The following MINDY4B variants were observed in gnomAD, a reference collection of about 807,000 sequenced individuals.
MINDY4B encodes the protein MINDY family member 4B.
In MINDY4B, 25 loss-of-function variants were observed where a neutral mutation model predicts 16.7. That is an observed-to-expected ratio of 1.49 (90% CI 1.09 to 2.09). The LOEUF (loss-of-function observed/expected upper bound fraction) is 2.09. Ranked by LOEUF, MINDY4B falls within the 30% of genes most tolerant of loss-of-function variation. The pLI, the probability that MINDY4B is intolerant of heterozygous loss-of-function variation, is 0.00. For synonymous variants in MINDY4B, 132 were observed against 61.9 expected (o/e 2.13, Z -5.32); for missense variants, 327 against 168.4 (o/e 1.94, Z -5.21).
At chr3:150,881,578 C>A (rs1188248998) in intron 10 of MINDY4B, among the ~76,000 whole-genome samples, 2 of 145,944 alleles carry the variant, frequency 1.4e-5, no homozygotes, top group Non-Finnish European at 3.0e-5. Flanking sequence ...AGTTCAAGAC[C>A]AGCCTGGGCA....
At chr3:150,871,807 TG>T (rs927230449) in intron 11 of MINDY4B, among the ~76,000 whole-genome samples, 5 of 152,170 alleles carry the variant, frequency 3.3e-5, no homozygotes, top group Admixed American at 2.6e-4. Flanking sequence ...ATCACGCCAC[TG>T]CACTCCAGCC....
intron 10 of MINDY4B, among the ~76,000 whole-genome samples, chr3:150,874,799 A>G (rs1489522131): frequency 1.3e-5 from 2 of 152,244 alleles, no homozygotes; most frequent in East Asian, 3.8e-4. Flanking sequence ...TGATTTCTCA[A>G]TAACTCTATT....
intron 3 of MINDY4B, among the ~76,000 whole-genome samples, chr3:150,895,167 C>T (rs768673499): frequency 2.0e-5 from 3 of 152,160 alleles, no homozygotes; most frequent in Non-Finnish European, 4.4e-5. Context: ...AGCTTTTATC[C>T]AGATGAGGGA....
intron 10 of MINDY4B, among the ~76,000 whole-genome samples, chr3:150,881,298 C>T (rs138275595): frequency 4.0e-5 from 6 of 151,896 alleles, no homozygotes; most frequent in African/African-American, 1.2e-4. Context: ...GCAGGAGAAT[C>T]GCTTGAACCC....
chr3:150,876,935 A>G (rs1711497537), intron 10 of MINDY4B, among the ~76,000 whole-genome samples: 2 of 152,174 alleles, frequency 1.3e-5, no homozygotes, highest in African/African-American at 2.4e-5. Flanking sequence ...TAGAAAAGTG[A>G]CAGGGAGGCT....
chr3:150,879,270 A>C (rs530206747), intron 10 of MINDY4B, among the ~76,000 whole-genome samples: 1 of 152,138 alleles, frequency 6.6e-6, no homozygotes, highest in Non-Finnish European at 1.5e-5. Context: ...GAGGTTCTCA[A>C]CTAGGGTCAA....
chr3:150,881,627 A>AT (rs1382256135), intron 10 of MINDY4B, among the ~76,000 whole-genome samples: 26 of 151,350 alleles, frequency 1.7e-4, no homozygotes, highest in Admixed American at 1.4e-3. Context: ...AAAAAAAAAA[A>AT]AAAAAAGACA....
intron 3 of MINDY4B, among the ~76,000 whole-genome samples, chr3:150,899,683 T>C (rs1712064596): frequency 1.3e-5 from 2 of 152,090 alleles, no homozygotes; most frequent in South Asian, 4.1e-4. Context: ...GGTCAGCCTC[T>C]CTACTGGGCA....
Position 150,903,435 on chromosome 3 carries a change from C to T in MINDY4B, c.142-19G>A, listed in dbSNP as rs1251079856. ...CATGATTCTGTGCAAATATCACCCC[C>T]ACAAAAGACAAAGCAAACAGAGCTG... is the stretch of plus-strand genomic sequence containing the variant. On this transcript the variant is annotated intron_variant, in intron 2 of 11. Coordinates refer to ENST00000465419, the MANE Select transcript of MINDY4B (RefSeq NM_001351281.2). 2.5e-6 allele frequency: 1 copy of T among 398,354 alleles called. No homozygotes were observed. The highest frequency in any genetic ancestry group is 4.4e-5 in the Admixed American group (1 of 22,720). The allele number at this position is 398,354 out of a possible 1,614,324, so 24.7% of individuals were successfully genotyped here. A position where few individuals can be genotyped will look rare whatever the true frequency, so the allele number is the denominator to read the frequency against.
chr3:150,890,975 G>T lies in MINDY4B; in HGVS notation c.650C>A (p.Ser217Ter). The change falls in exon 6 of 12, where the codon TCG becomes TAG. Residue 217 changes from serine to a stop codon, truncating the protein, a stop_gained. Coordinates refer to ENST00000465419, the MANE Select transcript of MINDY4B (RefSeq NM_001351281.2). LOFTEE classifies it high-confidence loss of function. ...ATTGTCCACAGAGTAGTCCGGAGTC[G>T]ACGCAACGTAAATGTCCTCAGTGAC... is the stretch of plus-strand genomic sequence containing the variant. ...CLVTEDIYVA[S>*]TPDYSVDNFT... 1.4e-6 allele frequency: 1 copy of T among 702,790 alleles called. No homozygotes were observed. Among genetic ancestry groups the T allele is most frequent in the South Asian group, 1.5e-5 (1 of 67,568 alleles). 43.5% of individuals were successfully genotyped at this position (702,790 alleles called of 1,614,324 possible).
chr3:150,883,857 A>G, intron 8 of MINDY4B, 85 bp from the exon 9 acceptor site: 1 of 687,848 alleles, frequency 1.5e-6, no homozygotes, highest in East Asian at 2.7e-5. Context: ...AACACAAAGC[A>G]GCAGTAACAC....
chr3:150,871,680 C>G (rs371715371), intron 11 of MINDY4B, among the ~76,000 whole-genome samples: 1 of 152,126 alleles, frequency 6.6e-6, no homozygotes, highest in Non-Finnish European at 1.5e-5. Context: ...GAAACCCTGT[C>G]TCTACTAAAA....
At chr3:150,899,737 C>T (rs1205014526) in intron 3 of MINDY4B, among the ~76,000 whole-genome samples, 1 of 152,102 alleles carries the variant, frequency 6.6e-6, no homozygotes. Flanking sequence ...TGGAGGGGCA[C>T]ACAAAGGACA....
At chr3:150,877,571 T>G (rs1711498846) in intron 10 of MINDY4B, among the ~76,000 whole-genome samples, 1 of 152,176 alleles carries the variant, frequency 6.6e-6, no homozygotes, top group South Asian at 2.1e-4. Context: ...CTGGTTAGCA[T>G]GTCTCTAAGC....
chr3:150,897,341 G>A (rs1393929035), intron 3 of MINDY4B, among the ~76,000 whole-genome samples: 2 of 151,434 alleles, frequency 1.3e-5, no homozygotes, highest in African/African-American at 4.9e-5. Context: ...GTGTGTGTGT[G>A]TGTGTGTGTG....
At chr3:150,895,462 T>C (rs554950535) in intron 3 of MINDY4B, among the ~76,000 whole-genome samples, 2 of 152,258 alleles carry the variant, frequency 1.3e-5, no homozygotes, top group African/African-American at 4.8e-5. Context: ...TCACAGCTCT[T>C]TTTTTTGTTT....
intron 10 of MINDY4B, among the ~76,000 whole-genome samples, chr3:150,875,152 C>T (rs542491246): frequency 6.6e-6 from 1 of 152,296 alleles, no homozygotes; most frequent in South Asian, 2.1e-4. Flanking sequence ...GAAGATGTAC[C>T]ATTGAAGCAG....
At chr3:150,885,044 A>G (rs866090010) in intron 8 of MINDY4B, among the ~76,000 whole-genome samples, 1 of 152,228 alleles carries the variant, frequency 6.6e-6, no homozygotes, top group African/African-American at 2.4e-5. Flanking sequence ...GATATACCTT[A>G]TCATGGATCT....
At position 150,895,528 on chromosome 3, in the gene MINDY4B, C is replaced by T. The variant is rs182150888; in HGVS notation, c.310-1223G>A. On this transcript the variant is annotated intron_variant, in intron 3 of 11. Transcript: ENST00000465419. ...CTGCCCAGGCTGGAGTACGCTGTCA[C>T]GATCTTGGCTCACTGCAACCTCAGC... 9.9e-5 allele frequency among the ~76,000 whole-genome samples: 15 copies of T among 152,236 alleles called. No homozygotes were observed. In the East Asian group the frequency reaches 2.1e-3, roughly 22 times the overall value.
Sources: allele counts gnomAD v4.1 joint callset (sites outside exome capture counted in the v4.1 genomes callset), GRCh38; gene constraint gnomAD v4.1.1; transcripts MANE v1.5; gene names NCBI Gene and HGNC (gene_info 2026-07-23, HGNC 2026-07-21).